The following MXRA8 variants were observed in gnomAD, a reference collection of about 807,000 sequenced individuals.
MXRA8 encodes matrix remodeling associated 8.
MXRA8 carries 44 observed loss-of-function variants against 51.4 expected under a neutral mutation model. That is an observed-to-expected ratio of 0.86 (90% CI 0.67 to 1.10). The LOEUF (loss-of-function observed/expected upper bound fraction) is 1.10. Ranked by LOEUF, MXRA8 falls within the 50% of genes least tolerant of loss-of-function variation. MXRA8 has a pLI of 0.00. For missense variants in MXRA8, 765 were observed against 638.9 expected (o/e 1.20, Z -2.13); for synonymous variants, 369 against 293.5 (o/e 1.26, Z -2.63).
upstream of MXRA8, chr1:1,361,291 C>T (rs1159585356): frequency 2.1e-5 from 15 of 703,344 alleles, no homozygotes; most frequent in Non-Finnish European, 3.6e-5. Context: ...CACTTCCTGT[C>T]GTTCAGAAGC....
chr1:1,361,870 C>T (rs1009850300), upstream of MXRA8: 4 of 157,020 alleles, frequency 2.5e-5, no homozygotes, highest in South Asian at 1.9e-4. Flanking sequence ...CGGTGTTGGC[C>T]AATCACATCC....
upstream of MXRA8, among the ~76,000 whole-genome samples, chr1:1,360,861 T>C (rs540651796): frequency 7.3e-5 from 11 of 151,716 alleles, no homozygotes; most frequent in African/African-American, 2.7e-4. Flanking sequence ...CACAGACACA[T>C]GCACACACAC....
intron 9 of MXRA8, 73 bp from the exon 10 acceptor site, chr1:1,353,702 C>A (rs1276068583): frequency 2.0e-6 from 3 of 1,504,138 alleles, no homozygotes; most frequent in Admixed American, 2.1e-5. Flanking sequence ...CAGGGCAGAC[C>A]CCCCCGCAGG....
At position 1,354,289 on chromosome 1, in the gene MXRA8, C is replaced by T. The variant is rs1427187193; in HGVS notation, c.1106-57G>A. 4 of 1,599,986 alleles carry T rather than the reference C, an allele frequency of 2.5e-6. No homozygotes were observed. In the East Asian group the frequency reaches 6.8e-5, roughly 27 times the overall value. ...CGCCCCTTCCGCAGGTCCCCCAGCC[C>T]AGAGGACCACCCTCCCGCCCACCTC... is the stretch of plus-strand genomic sequence containing the variant. On this transcript the variant is annotated intron_variant, in intron 6 of 9. Coordinates refer to ENST00000309212, the MANE Select transcript of MXRA8 (RefSeq NM_032348.4).
chr1:1,353,839 G>C lies in MXRA8; in HGVS notation c.1303+9C>G, dbSNP rs568821706. The C allele has an allele frequency of 1.3e-6, 2 of 1,570,096 alleles. No homozygotes were observed. Among genetic ancestry groups the C allele is most frequent in the Non-Finnish European group, 1.7e-6 (2 of 1,156,968 alleles). ...TCTGAGATGGGCTGAGGTCGCCCCCGCCGCTCACCTTTGTCTAGGTCGATG... is the reference window on the plus strand; with the variant it reads ...TCTGAGATGGGCTGAGGTCGCCCCCCCCGCTCACCTTTGTCTAGGTCGATG... On this transcript the variant is annotated intron_variant, in intron 9 of 9. Coordinates refer to ENST00000309212, the MANE Select transcript of MXRA8 (RefSeq NM_032348.4).
Position 1,353,542 on chromosome 1 carries a change from G to C in MXRA8, c.*62C>G. On this transcript the variant is annotated 3_prime_UTR_variant, in exon 10 of 10. Transcript: ENST00000309212. ...GGTGAGCCCCGGAGCATCAGGAGAT[G>C]CCCCGAGGAGCACAGACAGGAGAGG... The C allele has an allele frequency of 1.3e-6, 2 of 1,539,248 alleles. No homozygotes were observed. Among genetic ancestry groups the C allele is most frequent in the Non-Finnish European group, 1.8e-6 (2 of 1,142,404 alleles).
At chr1:1,355,422 C>A in intron 3 of MXRA8, 28 bp downstream of exon 3, 1 of 1,486,362 alleles carries the variant, frequency 6.7e-7, no homozygotes, top group East Asian at 2.8e-5. Flanking sequence ...TGCCCCGACC[C>A]CGCGGCCCCG....
intron 3 of MXRA8, 31 bp downstream of exon 3, chr1:1,355,419 A>G (rs916711169): frequency 1.5e-5 from 22 of 1,485,996 alleles, no homozygotes; most frequent in Admixed American, 2.4e-5. Context: ...CCCTGCCCCG[A>G]CCCCGCGGCC....
chr1:1,354,630 C>A, intron 5 of MXRA8, 52 bp downstream of exon 5: 1 of 1,541,416 alleles, frequency 6.5e-7, no homozygotes, highest in East Asian at 2.3e-5. Context: ...GCAGAGCAAC[C>A]CCCGGTGGGG....
Position 1,355,583 on chromosome 1 carries a change from C to T in MXRA8, c.243G>A (p.Gly81=), listed in dbSNP as rs746340120. The stretch of plus-strand genomic sequence containing the variant: ...CCAGCAGGCGCCGCGCGGGGCCACC[C>T]CCGGGGCCGCGCAGGTCCCAGTGGA... ...RVLHWDLRGP[G]GGPARRLLDL... Residue 81 remains glycine (G), a synonymous_variant, in exon 3 of 10, where the codon GGG becomes GGA. Transcript: ENST00000309212. 6 of 1,478,530 alleles carry T rather than the reference C, an allele frequency of 4.1e-6. No homozygotes were observed. In the African/African-American group the frequency reaches 8.8e-5, roughly 22 times the overall value. The allele number at this position is 1,478,530 out of a possible 1,614,324, so 91.6% of individuals were successfully genotyped here.
chr1:1,354,204 TC>T lies in MXRA8; in HGVS notation c.1133del (p.Gly378GlufsTer30). The T allele has an allele frequency of 6.2e-7, 1 of 1,612,640 alleles. No individual in the cohort carries two copies. The highest frequency in any genetic ancestry group is 8.5e-7 in the Non-Finnish European group (1 of 1,179,962). Reference protein sequence around the residue: ...GGYEYSDQKSGKSKGKDVNLA... With the variant: ...GGYEYSDQKSXKSKGKDVNLA... ...AGGGGGGCACTCACCCCTTTGACTT[TC>T]CCGACTTCTGGTCCGAGTATTCGTA... On this transcript the variant is annotated frameshift_variant, in exon 7 of 10. Coordinates refer to ENST00000309212, the MANE Select transcript of MXRA8 (RefSeq NM_032348.4). LOFTEE classifies it high-confidence loss of function.
rs910317613 is a variant in MXRA8, at chr1:1,354,874, C to T, written c.757G>A (p.Gly253Ser). Residue 253 changes from glycine (G) to serine (S), a missense_variant, in exon 5 of 10, where the codon GGT (glycine) becomes AGT (serine). Transcript: ENST00000309212. ...GGCTCGATACGCAGTGAGAAGTCACCGCGCTCAAAGGCATCCGCGCCCACA... is the reference window on the plus strand; with the variant it reads ...GGCTCGATACGCAGTGAGAAGTCACTGCGCTCAAAGGCATCCGCGCCCACA... ...VAVGADAFER[G>S]DFSLRIEPLE... The T allele has an allele frequency of 1.9e-6, 3 of 1,611,754 alleles. No individual in the cohort carries two copies. The highest frequency in any genetic ancestry group is 8.5e-7 in the Non-Finnish European group (1 of 1,179,552).
chr1:1,353,965 G>C, intron 8 of MXRA8, 37 bp from the exon 9 acceptor site: 1 of 1,596,190 alleles, frequency 6.3e-7, no homozygotes. Context: ...CCCGCTCCCA[G>C]GATGCACTTC....
chr1:1,353,565 A>G lies in MXRA8; in HGVS notation c.*39T>C. The stretch of plus-strand genomic sequence containing the variant: ...ATGCCCCGAGGAGCACAGACAGGAG[A>G]GGTGCAGCTGCTGGCCCAGCCAGGA... On this transcript the variant is annotated 3_prime_UTR_variant, in exon 10 of 10. Coordinates refer to ENST00000309212, the MANE Select transcript of MXRA8 (RefSeq NM_032348.4). 6.4e-7 allele frequency: 1 copy of G among 1,553,908 alleles called. No homozygotes were observed. The highest frequency in any genetic ancestry group is 8.7e-7 in the Non-Finnish European group (1 of 1,148,590).
chr1:1,354,320 C>A (rs1170340686), intron 6 of MXRA8, 34 bp downstream of exon 6: 1 of 1,600,924 alleles, frequency 6.2e-7, no homozygotes, highest in East Asian at 2.3e-5. Flanking sequence ...ACCTCAGTCT[C>A]CTGGGGCCGC....
Position 1,356,701 on chromosome 1 carries a change from G to T in MXRA8, c.53C>A (p.Ser18Tyr), listed in dbSNP as rs1056786456. The T allele has an allele frequency of 1.4e-6, 2 of 1,430,380 alleles. No individual in the cohort carries two copies. Among genetic ancestry groups the T allele is most frequent in the Non-Finnish European group, 1.8e-6 (2 of 1,081,562 alleles). The allele number at this position is 1,430,380 out of a possible 1,614,324, so 88.6% of individuals were successfully genotyped here. The change falls in exon 2 of 10, where the codon TCT becomes TAT. Residue 18 changes from serine (S) to tyrosine (Y), a missense_variant. Ser to Tyr is a moderately radical substitution (Grantham distance 144, BLOSUM62 -2). Transcript: ENST00000309212. ...CTAACCTGAGTGCAGGAGAACAGCA[G>T]AGCCTGGAAGGAGAGGAGTGAGCTG... ...LLWKLVLLQS[S>Y]AVLLHSGSSV...
upstream of MXRA8, among the ~76,000 whole-genome samples, chr1:1,362,762 C>CA: frequency 7.5e-6 from 1 of 133,072 alleles, no homozygotes; most frequent in Admixed American, 8.4e-5. Context: ...GCCTGGGAAA[C>CA]AGAGTGAGAC....
upstream of MXRA8, chr1:1,361,153 C>G (rs1185297982): frequency 1.0e-5 from 7 of 695,184 alleles, no homozygotes; most frequent in East Asian, 8.1e-5. Flanking sequence ...AGAAGATACA[C>G]GGAAACACAA....
chr1:1,362,452 C>T (rs1644232462), upstream of MXRA8, among the ~76,000 whole-genome samples: 1 of 152,116 alleles, frequency 6.6e-6, no homozygotes, highest in African/African-American at 2.4e-5. Flanking sequence ...ACCTTAGGCC[C>T]CAGGGCCACC....
Sources: gnomAD v4.1 joint callset for allele counts (sites outside exome capture counted in the v4.1 genomes callset) on GRCh38, gnomAD v4.1.1 for gene constraint, MANE v1.5 for transcripts, NCBI Gene and HGNC (gene_info 2026-07-23, HGNC 2026-07-21) for gene names.